Variants in RBMS3 observed in about 807,000 individuals in gnomAD.
RBMS3 encodes RNA-binding motif, single-stranded-interacting protein 3.
Under a neutral mutation model 66.8 loss-of-function variants are expected in RBMS3, and 27 were observed. That is an observed-to-expected ratio of 0.40 (90% CI 0.30 to 0.56). The LOEUF is 0.56. Among genes scored for constraint, RBMS3 ranks in the 20% least tolerant of loss-of-function variants. The pLI is 0.40. For missense variants in RBMS3, 513 were observed against 549.5 expected, an observed-to-expected ratio of 0.93 and a Z score of 0.66; for synonymous variants, 188 against 183.0, an observed-to-expected ratio of 1.03 and a Z score of -0.22.
intron 3 of RBMS3, among the ~76,000 whole-genome samples, chr3:29,548,839 A>G (rs949471743): frequency 6.6e-6 from 1 of 152,140 alleles, no homozygotes; most frequent in Non-Finnish European, 1.5e-5. Context: ...CACCAAGAAT[A>G]TAGAAAAAAC....
intron 3 of RBMS3, among the ~76,000 whole-genome samples, chr3:29,495,521 T>C (rs1430290865): frequency 6.6e-6 from 1 of 151,162 alleles, no homozygotes; most frequent in Non-Finnish European, 1.5e-5. Flanking sequence ...CCAGCAATTA[T>C]TCTCCTGCCT....
intron 10 of RBMS3, chr3:29,933,910 G>T (rs904707160): frequency 6.6e-6 from 1 of 152,084 alleles, no homozygotes; most frequent in Non-Finnish European, 1.5e-5. Flanking sequence ...AAAGAGACCA[G>T]ACAATTCTTC....
intron 3 of RBMS3, among the ~76,000 whole-genome samples, chr3:29,586,652 T>G (rs1445055716): frequency 6.6e-6 from 1 of 152,160 alleles, no homozygotes. Context: ...ATGCCTACTG[T>G]GTGCCAAGCA....
intron 6 of RBMS3, among the ~76,000 whole-genome samples, chr3:29,867,947 A>G (rs561551978): frequency 4.2e-4 from 64 of 152,134 alleles, no homozygotes; most frequent in Non-Finnish European, 7.6e-4. Flanking sequence ...ATATTAATGT[A>G]TTAAAAAAGT....
Position 29,327,774 on chromosome 3 carries a change from G to A in RBMS3, c.75+46018G>A, listed in dbSNP as rs139879383. Among the ~76,000 whole-genome samples, 31 of 152,216 alleles carry A rather than the reference G, an allele frequency of 2.0e-4. No individual in the cohort carries two copies. In the East Asian group the frequency reaches 4.1e-3, roughly 20 times the overall value. Reference sequence around the variant, plus strand: ...TTAGCCATCATGTCTTCCAAGGATCGCATGCCCTGTTTCCTAGGTCCTAAT... The same window carrying A: ...TTAGCCATCATGTCTTCCAAGGATCACATGCCCTGTTTCCTAGGTCCTAAT... On this transcript the variant is annotated intron_variant, in intron 1 of 14. Transcript: ENST00000383767.
chr3:29,999,388 T>C (rs1390112720), intron 14 of RBMS3, among the ~76,000 whole-genome samples: 2 of 152,148 alleles, frequency 1.3e-5, no homozygotes, highest in Admixed American at 6.6e-5. Flanking sequence ...AGAAATACCA[T>C]TTGACCCAGC....
At chr3:29,336,914 G>A (rs2035988777) in intron 1 of RBMS3, among the ~76,000 whole-genome samples, 1 of 152,054 alleles carries the variant, frequency 6.6e-6, no homozygotes, top group South Asian at 2.1e-4. Context: ...CAAATTCCAT[G>A]TACCTTCTCC....
intron 4 of RBMS3, among the ~76,000 whole-genome samples, chr3:29,714,067 G>C (rs1050328455): frequency 2.0e-5 from 3 of 151,860 alleles, no homozygotes; most frequent in Non-Finnish European, 4.4e-5. Context: ...AAAAACAAAA[G>C]AAAAGAAAAG....
At chr3:29,800,786 C>T (rs374477390) in intron 6 of RBMS3, among the ~76,000 whole-genome samples, 5 of 151,486 alleles carry the variant, frequency 3.3e-5, no homozygotes, top group African/African-American at 1.2e-4. Flanking sequence ...TGACATCTTA[C>T]TTTATAGAAA....
intron 4 of RBMS3, among the ~76,000 whole-genome samples, chr3:29,633,873 G>T (rs1235699496): frequency 1.3e-5 from 2 of 151,598 alleles, no homozygotes; most frequent in African/African-American, 2.4e-5. Flanking sequence ...TAATAATTAT[G>T]AGTATATAAA....
At chr3:29,718,033 T>C (rs2053478679) in intron 4 of RBMS3, among the ~76,000 whole-genome samples, 1 of 152,158 alleles carries the variant, frequency 6.6e-6, no homozygotes, top group South Asian at 2.1e-4. Context: ...TCTGATTATG[T>C]AATTTTGTAG....
chr3:29,769,814 C>A (rs1474501480), intron 6 of RBMS3, among the ~76,000 whole-genome samples: 2 of 151,768 alleles, frequency 1.3e-5, no homozygotes, highest in Non-Finnish European at 2.9e-5. Flanking sequence ...GGATGCACAG[C>A]TCTGGGTAAA....
chr3:29,957,249 C>G (rs1696105568), intron 12 of RBMS3, among the ~76,000 whole-genome samples: 1 of 152,126 alleles, frequency 6.6e-6, no homozygotes, highest in Admixed American at 6.6e-5. Context: ...GCTATAAACT[C>G]TTAGAGCAGA....
chr3:29,972,473 CT>C (rs1697291090), intron 12 of RBMS3, among the ~76,000 whole-genome samples: 1 of 151,630 alleles, frequency 6.6e-6, no homozygotes, highest in African/African-American at 2.4e-5. Context: ...TTCTCCCTGT[CT>C]TCATTTGCTC....
chr3:29,675,609 T>C (rs1025343115), intron 4 of RBMS3, among the ~76,000 whole-genome samples: 2 of 152,086 alleles, frequency 1.3e-5, no homozygotes, highest in Admixed American at 6.5e-5. Flanking sequence ...CATCAAAAAA[T>C]GGGTGAAGGA....
chr3:29,550,635 A>AT (rs1354599038), intron 3 of RBMS3, among the ~76,000 whole-genome samples: 1 of 152,140 alleles, frequency 6.6e-6, no homozygotes, highest in Non-Finnish European at 1.5e-5. Flanking sequence ...TAGTGTAATA[A>AT]TTTTGTATAA....
chr3:29,848,222 C>T (rs149154806), intron 6 of RBMS3, among the ~76,000 whole-genome samples: 25 of 152,272 alleles, frequency 1.6e-4, no homozygotes, highest in African/African-American at 4.6e-4. Context: ...AGTCAGCCAG[C>T]GCACCTGGAC....
At chr3:29,513,818 T>C (rs775823226) in intron 3 of RBMS3, among the ~76,000 whole-genome samples, 5 of 152,192 alleles carry the variant, frequency 3.3e-5, no homozygotes, top group Non-Finnish European at 7.4e-5. Flanking sequence ...TGTGTTCTTT[T>C]CCTTTCCTAA....
At chr3:29,536,381 C>A (rs997099220) in intron 3 of RBMS3, among the ~76,000 whole-genome samples, 7 of 151,192 alleles carry the variant, frequency 4.6e-5, no homozygotes, top group African/African-American at 1.7e-4. Context: ...TCAGACTGGC[C>A]AAAAAAAATT....
Sources: allele counts gnomAD v4.1 joint callset (sites outside exome capture counted in the v4.1 genomes callset), GRCh38; gene constraint gnomAD v4.1.1; transcripts MANE v1.5; gene names NCBI Gene and HGNC (gene_info 2026-07-23, HGNC 2026-07-21).